Variants in ABHD5 observed in about 807,000 individuals in gnomAD.
ABHD5 encodes 1-acylglycerol-3-phosphate O-acyltransferase ABHD5.
In ABHD5, 30 loss-of-function variants were observed where a neutral mutation model predicts 44.9. The ratio of observed to expected loss-of-function variants is 0.67; its 90% CI spans 0.50 to 0.91. ABHD5 has a LOEUF of 0.91. ABHD5 is among the 40% of genes least tolerant of loss of function. The probability of loss-of-function intolerance (pLI) is 0.00; values close to 1 mark genes in which losing one functional copy is unlikely to be tolerated. For synonymous variants in ABHD5, 167 were observed against 147.0 expected, an observed-to-expected ratio of 1.14 and a Z score of -0.99; for missense variants, 399 against 423.4, an observed-to-expected ratio of 0.94 and a Z score of 0.50.
At chr3:43,692,202 G>A (rs1472010177) in intron 1 of ABHD5, among the ~76,000 whole-genome samples, 1 of 152,186 alleles carries the variant, frequency 6.6e-6, no homozygotes, top group South Asian at 2.1e-4. Context: ...TGAAGACAGG[G>A]ATATTTGGAA....
chr3:43,704,477 A>G (rs1473629818), intron 3 of ABHD5, among the ~76,000 whole-genome samples: 2 of 152,232 alleles, frequency 1.3e-5, no homozygotes, highest in East Asian at 3.9e-4. Context: ...TTTGTTTTTT[A>G]TCAGGTATGT....
downstream of ABHD5, among the ~76,000 whole-genome samples, chr3:43,725,852 T>TTTTTTTTG (rs879902086): frequency 4.5e-4 from 69 of 151,878 alleles, 1 homozygote; most frequent in African/African-American, 1.6e-3. Flanking sequence ...TTCCTAGTTT[T>TTTTTTTTG]TTTTTTTGTT....
rs760056786 is a variant in ABHD5 at position 43,690,953 on chromosome 3, C to T, written c.-40C>T. On this transcript the variant is annotated 5_prime_UTR_variant, in exon 1 of 7. Coordinates refer to ENST00000644371, the MANE Select transcript of ABHD5 (RefSeq NM_016006.6). ...GGGGCGGCCCAGTCGGCCTGTCAGC[C>T]GGCTTCGAGATAAGTCCCGGCGCTT... 1.9e-6 allele frequency: 3 copies of T among 1,549,110 alleles called. No individual in the cohort carries two copies. Among genetic ancestry groups the T allele is most frequent in the African/African-American group, 1.4e-5 (1 of 70,352 alleles).
At chr3:43,728,757 C>T (rs1235533798) in intron 7 of ABHD5, among the ~76,000 whole-genome samples, 1 of 152,188 alleles carries the variant, frequency 6.6e-6, no homozygotes, top group African/African-American at 2.4e-5. Flanking sequence ...CCTCCACTAA[C>T]AGAGATAGAT....
At chr3:43,728,668 T>C (rs2084893818) in intron 7 of ABHD5, among the ~76,000 whole-genome samples, 1 of 152,232 alleles carries the variant, frequency 6.6e-6, no homozygotes, top group African/African-American at 2.4e-5. Flanking sequence ...GTCTGCCTCA[T>C]TGTTCATTAA....
At chr3:43,724,506 T>A (rs2084865287), downstream of ABHD5, among the ~76,000 whole-genome samples, 1 of 152,152 alleles carries the variant, frequency 6.6e-6, no homozygotes, top group South Asian at 2.1e-4. Flanking sequence ...TGCAAAGACA[T>A]CTACAAGATG....
At chr3:43,714,360 C>G (rs1165916485) in intron 4 of ABHD5, among the ~76,000 whole-genome samples, 2 of 152,050 alleles carry the variant, frequency 1.3e-5, no homozygotes, top group African/African-American at 4.8e-5. Flanking sequence ...GTCTCGAACT[C>G]CTGACCTTGT....
At chr3:43,726,412 G>C (rs1435955504), downstream of ABHD5, among the ~76,000 whole-genome samples, 2 of 152,178 alleles carry the variant, frequency 1.3e-5, no homozygotes, top group African/African-American at 4.8e-5. Flanking sequence ...GATATGGAGA[G>C]AAAAAGATGG....
chr3:43,718,371 T>G lies in ABHD5; in HGVS notation c.961-72T>G, dbSNP rs1052209617. 1.8e-5 allele frequency: 22 copies of G among 1,251,874 alleles called. No individual in the cohort carries two copies. The African/African-American group carries it at 2.8e-4, about 16-fold the overall frequency. The allele number at this position is 1,251,874 out of a possible 1,614,324, so 77.5% of individuals were successfully genotyped here. The stretch of plus-strand genomic sequence containing the variant: ...GCTCTCACTTTTATTACTAAGTGTC[T>G]TTGCTTATATATCATTCTGTTTTAT... On this transcript the variant is annotated intron_variant, in intron 6 of 6. Coordinates refer to ENST00000644371, the MANE Select transcript of ABHD5 (RefSeq NM_016006.6).
At chr3:43,690,870 A>C, upstream of ABHD5, 3 of 1,061,886 alleles carry the variant, frequency 2.8e-6, no homozygotes, top group Non-Finnish European at 3.8e-6. Flanking sequence ...GGGCCGTGCT[A>C]GTGCGCGGAA....
chr3:43,734,239 T>C (rs1697298510), exon 8 of ABHD5: 1 of 152,252 alleles, frequency 6.6e-6, no homozygotes, highest in African/African-American at 2.4e-5. Flanking sequence ...AGCCGATGAT[T>C]GACTGACACG....
At chr3:43,730,952 C>T (rs2084909081) in intron 7 of ABHD5, among the ~76,000 whole-genome samples, 1 of 152,168 alleles carries the variant, frequency 6.6e-6, no homozygotes, top group Non-Finnish European at 1.5e-5. Flanking sequence ...CCTTAGCCTC[C>T]TGAGTAGCTG....
chr3:43,703,796 A>G (rs999415964), intron 3 of ABHD5, among the ~76,000 whole-genome samples: 3 of 152,176 alleles, frequency 2.0e-5, no homozygotes, highest in Admixed American at 6.5e-5. Flanking sequence ...TGTTCAACAC[A>G]GAATTTGATG....
chr3:43,717,095 C>T lies in ABHD5; in HGVS notation c.774-576C>T, dbSNP rs538556705. Among the ~76,000 whole-genome samples, 8 of 151,848 alleles carry T rather than the reference C, an allele frequency of 5.3e-5. No homozygotes were observed. The South Asian group carries it at 8.3e-4, about 16-fold the overall frequency. Reference sequence around the variant, plus strand: ...CTGAGGCAGGAGAATTGCTTGAACCCGGGAGGCAGAGGCTGCAGTGAGCTG... The same window carrying T: ...CTGAGGCAGGAGAATTGCTTGAACCTGGGAGGCAGAGGCTGCAGTGAGCTG... On this transcript the variant is annotated intron_variant, in intron 5 of 6. Transcript: ENST00000644371.
At position 43,718,449 on chromosome 3, in the gene ABHD5, C is replaced by G. The variant is rs2084794993; in HGVS notation, c.967C>G (p.Leu323Val). ...AATGCTTTTCCTTATCCAGGCTATT[C>G]TTGGGGCAGGACATTATGTATATGC... Reference protein sequence around the residue: ...PHSYVKTIAILGAGHYVYADQ... With the variant: ...PHSYVKTIAIVGAGHYVYADQ... The change falls in exon 7 of 7, where the codon CTT becomes GTT. Residue 323 changes from leucine to valine, a missense_variant. Transcript: ENST00000644371. 6.2e-7 allele frequency: 1 copy of G among 1,613,906 alleles called. No homozygotes were observed.
chr3:43,701,983 C>T (rs2084547231), intron 2 of ABHD5: 1 of 464,418 alleles, frequency 2.2e-6, no homozygotes, highest in African/African-American at 2.0e-5. Flanking sequence ...AGACCTTGAT[C>T]ACAGGTTACT....
chr3:43,696,443 A>G (rs2084474894), intron 1 of ABHD5, among the ~76,000 whole-genome samples: 1 of 152,186 alleles, frequency 6.6e-6, no homozygotes, highest in Non-Finnish European at 1.5e-5. Flanking sequence ...TCTTCTATAT[A>G]CTAAACCTAG....
At position 43,691,450 on chromosome 3, in the gene ABHD5, A is replaced by G. The variant is rs911287615; in HGVS notation, c.47+411A>G. The G allele has an allele frequency of 3.2e-5, 5 of 158,728 alleles. No homozygotes were observed. In the East Asian group the frequency reaches 9.2e-4, roughly 29 times the overall value. The allele number at this position is 158,728 out of a possible 1,614,324, so 9.8% of individuals were successfully genotyped here. A position where few individuals can be genotyped will look rare whatever the true frequency, so the allele number is the denominator to read the frequency against. ...CGGTGCCCGGTCGACCCTGCACCTG[A>G]CTGCGAGGCGCGGGAAATGACCGGG... On this transcript the variant is annotated intron_variant, in intron 1 of 6. Coordinates refer to ENST00000644371, the MANE Select transcript of ABHD5 (RefSeq NM_016006.6).
intron 3 of ABHD5, among the ~76,000 whole-genome samples, chr3:43,704,414 T>C (rs897211238): frequency 5.3e-5 from 8 of 152,230 alleles, no homozygotes; most frequent in Admixed American, 2.6e-4. Flanking sequence ...GAGAAGGAAG[T>C]AGATGCTTTT....
Sources: gnomAD v4.1 joint callset for allele counts (sites outside exome capture counted in the v4.1 genomes callset) on GRCh38, gnomAD v4.1.1 for gene constraint, MANE v1.5 for transcripts, NCBI Gene and HGNC (gene_info 2026-07-23, HGNC 2026-07-21) for gene names.